ZFHX3: variants seen among roughly 807,000 people sequenced by gnomAD.
ZFHX3 encodes zinc finger homeobox 3, also known as zinc finger homeobox protein 3.
Under a neutral mutation model 279.1 loss-of-function variants are expected in ZFHX3, and 42 were observed. The ratio of observed to expected loss-of-function variants is 0.15; its 90% CI spans 0.12 to 0.19. The LOEUF is 0.19. Ranked by LOEUF, ZFHX3 falls within the 10% of genes least tolerant of loss-of-function variation. ZFHX3 has a pLI of 1.00. For synonymous variants in ZFHX3, 2,293 were observed against 1,957.8 expected, an observed-to-expected ratio of 1.17 and a Z score of -4.52; for missense variants, 4,981 against 4,754.0, an observed-to-expected ratio of 1.05 and a Z score of -1.40.
At chr16:73,113,742 G>A (rs7186458) in intron 7 of ZFHX3, among the ~76,000 whole-genome samples, 106,102 of 150,278 alleles carry the variant, frequency 0.71, 38,059 homozygotes, top group Non-Finnish European at 0.78. Context: ...TTACATGGGC[G>A]GAAGGTTAAA....
At chr16:73,743,664 T>C (rs1305904834) in intron 1 of ZFHX3, among the ~76,000 whole-genome samples, 1 of 152,130 alleles carries the variant, frequency 6.6e-6, no homozygotes, top group African/African-American at 2.4e-5. Context: ...CCTACATATA[T>C]ATATACAAGA....
chr16:73,650,832 G>C (rs767275864), intron 2 of ZFHX3, among the ~76,000 whole-genome samples: 3 of 152,142 alleles, frequency 2.0e-5, no homozygotes, highest in Non-Finnish European at 4.4e-5. Context: ...CCCACAGATA[G>C]TGATTTTCAA....
intron 2 of ZFHX3, among the ~76,000 whole-genome samples, chr16:73,556,656 G>A (rs1388429703): frequency 6.6e-6 from 1 of 152,036 alleles, no homozygotes; most frequent in African/African-American, 2.4e-5. Context: ...GATGTTACAG[G>A]GGGACCAAAG....
intron 2 of ZFHX3, among the ~76,000 whole-genome samples, chr16:73,542,464 A>G (rs2020035709): frequency 1.3e-5 from 2 of 152,300 alleles, no homozygotes; most frequent in Middle Eastern, 3.4e-3. Context: ...TTATACGTCC[A>G]GGTGGAATGA....
At chr16:73,258,573 C>T in intron 4 of ZFHX3, among the ~76,000 whole-genome samples, 1 of 152,106 alleles carries the variant, frequency 6.6e-6, no homozygotes, top group Non-Finnish European at 1.5e-5. Flanking sequence ...TGGTCTCGAT[C>T]TCCTGACCTC....
rs2035487121 is a variant in ZFHX3 at position 72,787,739 on chromosome 16, TGCCACCGCCGC to T, written c.10526_10536del (p.Gly3509GlufsTer58). 11 of 1,396,778 alleles carry T rather than the reference TGCCACCGCCGC, an allele frequency of 7.9e-6. 1 individual carries two copies. The highest frequency in any genetic ancestry group is 2.0e-5 in the South Asian group (1 of 49,204). 86.5% of individuals were successfully genotyped at this position (1,396,778 alleles called of 1,614,324 possible). ...CCGCCACCGCCGCCGCCGCCGCCAC[TGCCACCGCCGC>T]CGCCGCCGGTGGGGACGTGAAGCAC... On this transcript the variant is annotated frameshift_variant, in exon 10 of 10. Transcript: ENST00000268489. LOFTEE classifies it high-confidence loss of function.
At chr16:73,383,552 T>C (rs1325043943) in intron 3 of ZFHX3, among the ~76,000 whole-genome samples, 1 of 152,116 alleles carries the variant, frequency 6.6e-6, no homozygotes, top group Non-Finnish European at 1.5e-5. Context: ...GGGAAGAGAA[T>C]AGCATCACCG....
chr16:73,473,339 C>CAACAAAAA (rs2018702783), intron 2 of ZFHX3, among the ~76,000 whole-genome samples: 1 of 76,658 alleles, frequency 1.3e-5, no homozygotes, highest in Non-Finnish European at 2.3e-5. Flanking sequence ...TGTCTCAAAG[C>CAACAAAAA]AAAAAAAAAA....
At position 72,796,974 on chromosome 16, in the gene ZFHX3, G is replaced by C. The variant is rs2035929794; in HGVS notation, c.5708C>G (p.Thr1903Ser). ...RDSAEGGEGNTGPKETLPDAL... is the reference protein window; with the variant it reads ...RDSAEGGEGNSGPKETLPDAL... Reference sequence around the variant, plus strand: ...ATCTGGCAGTGTTTCCTTCGGACCGGTGTTGCCCTCTCCCCCCTCGGCGCT... The same window carrying C: ...ATCTGGCAGTGTTTCCTTCGGACCGCTGTTGCCCTCTCCCCCCTCGGCGCT... Residue 1903 changes from threonine (T) to serine (S), a missense_variant, in exon 9 of 10, where the codon ACC (threonine) becomes AGC (serine). Transcript: ENST00000268489. 6.2e-7 allele frequency: 1 copy of C among 1,613,928 alleles called. No homozygotes were observed. The highest frequency in any genetic ancestry group is 8.5e-7 in the Non-Finnish European group (1 of 1,179,974).
intron 3 of ZFHX3, among the ~76,000 whole-genome samples, chr16:73,323,266 GAA>G (rs2015617437): frequency 6.6e-6 from 1 of 152,196 alleles, no homozygotes; most frequent in East Asian, 1.9e-4. Flanking sequence ...AGGTGCAAAG[GAA>G]AGAGGCAGCA....
intron 3 of ZFHX3, among the ~76,000 whole-genome samples, chr16:73,320,535 G>C (rs1298624277): frequency 1.3e-5 from 2 of 152,170 alleles, no homozygotes; most frequent in Admixed American, 6.5e-5. Flanking sequence ...CTTTAACATA[G>C]TGACAATTTT....
intron 1 of ZFHX3, among the ~76,000 whole-genome samples, chr16:73,007,858 T>C (rs1392120657): frequency 6.6e-6 from 1 of 152,364 alleles, no homozygotes; most frequent in South Asian, 2.1e-4. Flanking sequence ...AGGTGTTGCA[T>C]TTTAAGTTAC....
chr16:73,292,813 A>C (rs1004559744), intron 4 of ZFHX3, among the ~76,000 whole-genome samples: 2 of 152,188 alleles, frequency 1.3e-5, no homozygotes, highest in South Asian at 2.1e-4. Flanking sequence ...TCCAAGACAC[A>C]TCAGTCATCT....
At chr16:73,382,448 G>C (rs2016831821) in intron 3 of ZFHX3, among the ~76,000 whole-genome samples, 1 of 152,106 alleles carries the variant, frequency 6.6e-6, no homozygotes, top group Admixed American at 6.5e-5. Flanking sequence ...ATGAACAAAG[G>C]GTATGGATTT....
intron 9 of ZFHX3, chr16:72,790,968 CA>C (rs1354619191): frequency 6.6e-6 from 1 of 152,008 alleles, no homozygotes; most frequent in Non-Finnish European, 1.5e-5. Flanking sequence ...TACTATTTAC[CA>C]AGCCTTGCAC....
At chr16:72,816,218 A>G (rs2143631137) in intron 5 of ZFHX3, among the ~76,000 whole-genome samples, 1 of 152,286 alleles carries the variant, frequency 6.6e-6, no homozygotes, top group Admixed American at 6.5e-5. Flanking sequence ...AAAAGTTGGT[A>G]TTGGCTCTAT....
At chr16:73,046,244 G>A (rs1032853938) in intron 1 of ZFHX3, among the ~76,000 whole-genome samples, 2 of 152,176 alleles carry the variant, frequency 1.3e-5, no homozygotes, top group African/African-American at 4.8e-5. Flanking sequence ...ATTTGGAACC[G>A]TGGTCTCCTG....
At chr16:73,352,093 G>A (rs2016252990) in intron 3 of ZFHX3, among the ~76,000 whole-genome samples, 1 of 152,210 alleles carries the variant, frequency 6.6e-6, no homozygotes, top group East Asian at 1.9e-4. Flanking sequence ...TTCAGACTGA[G>A]AGAAACTTAC....
At chr16:73,238,327 T>C (rs867704990) in intron 5 of ZFHX3, among the ~76,000 whole-genome samples, 2 of 152,126 alleles carry the variant, frequency 1.3e-5, no homozygotes, top group Non-Finnish European at 2.9e-5. Flanking sequence ...CTCTCCTGAA[T>C]TCAACCCAGG....
Sources: allele counts gnomAD v4.1 joint callset (sites outside exome capture counted in the v4.1 genomes callset), GRCh38; gene constraint gnomAD v4.1.1; transcripts MANE v1.5; gene names NCBI Gene and HGNC (gene_info 2026-07-23, HGNC 2026-07-21).